TOP2B: variants seen among roughly 807,000 people sequenced by gnomAD.
TOP2B encodes the protein DNA topoisomerase 2-beta.
In TOP2B, 51 loss-of-function variants were observed where a neutral mutation model predicts 193.5. That is an observed-to-expected ratio of 0.26 (90% CI 0.21 to 0.33). The LOEUF (loss-of-function observed/expected upper bound fraction) is 0.33. Among genes scored for constraint, TOP2B ranks in the 10% least tolerant of loss-of-function variants. The pLI, the probability that TOP2B is intolerant of heterozygous loss-of-function variation, is 1.00. For missense variants in TOP2B, 1,378 were observed against 1,909.3 expected, an observed-to-expected ratio of 0.72 and a Z score of 5.19; for synonymous variants, 634 against 635.7, an observed-to-expected ratio of 1.00 and a Z score of 0.04.
intron 7 of TOP2B, among the ~76,000 whole-genome samples, chr3:25,635,591 G>A (rs1383795708): frequency 6.6e-6 from 1 of 152,048 alleles, no homozygotes; most frequent in African/African-American, 2.4e-5. Context: ...AGGCTCTTCA[G>A]GAAACTTGAT....
chr3:25,657,236 G>A lies in TOP2B; in HGVS notation c.69+6993C>T, dbSNP rs375995356. ...TTGTCAGCAGAAAGTTGTCCCCTGA[G>A]CAATGTCCAGGTCACTAAAAATCAA... On this transcript the variant is annotated intron_variant, in intron 1 of 35. Coordinates refer to ENST00000264331, the MANE Select transcript of TOP2B (RefSeq NM_001330700.2). Among the ~76,000 whole-genome samples the A allele has an allele frequency of 5.6e-4, 86 of 152,254 alleles. 1 individual carries two copies. Among genetic ancestry groups the A allele is most frequent in the African/African-American group, 1.9e-3 (81 of 41,556 alleles).
At chr3:25,616,649 T>C (rs1317831475) in intron 25 of TOP2B, among the ~76,000 whole-genome samples, 2 of 151,966 alleles carry the variant, frequency 1.3e-5, no homozygotes, top group Non-Finnish European at 2.9e-5. Context: ...TAAATAATTC[T>C]ACACTTTTGA....
In TOP2B at chr3:25,634,575, T is replaced by C. The variant is rs906090576; in HGVS notation, c.853-561A>G. Among the ~76,000 whole-genome samples, 3 of 152,098 alleles carry C rather than the reference T, an allele frequency of 2.0e-5. 1 individual carries two copies. The highest frequency in any genetic ancestry group is 6.6e-5 in the Admixed American group (1 of 15,256). Reference sequence around the variant, plus strand: ...TTGCTACTGGAAGAGTGTATACTAGTTTGAATGCATAAAGCTTCTAGGGAC... The same window carrying C: ...TTGCTACTGGAAGAGTGTATACTAGCTTGAATGCATAAAGCTTCTAGGGAC... On this transcript the variant is annotated intron_variant, in intron 7 of 35. Transcript: ENST00000264331.
chr3:25,639,266 G>C (rs1414385107), intron 4 of TOP2B, among the ~76,000 whole-genome samples: 1 of 152,142 alleles, frequency 6.6e-6, no homozygotes, highest in African/African-American at 2.4e-5. Context: ...GAACACTTAA[G>C]CTAGAGGAAT....
chr3:25,633,218 G>A (rs964123053), intron 8 of TOP2B, among the ~76,000 whole-genome samples: 1 of 152,050 alleles, frequency 6.6e-6, no homozygotes, highest in Non-Finnish European at 1.5e-5. Flanking sequence ...TACTTCTAAC[G>A]AACCTATGAC....
At chr3:25,637,424 C>T (rs1011564713) in intron 5 of TOP2B, 112 bp from the exon 6 acceptor site, 19 of 650,710 alleles carry the variant, frequency 2.9e-5, no homozygotes, top group African/African-American at 2.7e-4. Context: ...AACTGCATTA[C>T]CAATCACCAA....
intron 31 of TOP2B, among the ~76,000 whole-genome samples, chr3:25,606,333 A>C (rs1375682612): frequency 1.3e-5 from 2 of 152,152 alleles, no homozygotes; most frequent in Non-Finnish European, 2.9e-5. Flanking sequence ...ATCCATGTGC[A>C]CATACCACGT....
Position 25,615,457 on chromosome 3 carries a change from C to T in TOP2B, c.3481G>A (p.Glu1161Lys). 1 of 1,561,826 alleles carries T rather than the reference C, an allele frequency of 6.4e-7. No individual in the cohort carries two copies. Among genetic ancestry groups the T allele is most frequent in the Non-Finnish European group, 8.6e-7 (1 of 1,156,574 alleles). Residue 1161 changes from glutamate to lysine, a missense_variant, in exon 26 of 36, where the codon GAA (glutamate) becomes AAA (lysine). By Grantham distance (56) the Glu-to-Lys change is moderately conservative. Around this residue, in one of 9 missense-constraint regions of TOP2B, gnomAD observed 556 missense variants for 584.2 expected, o/e 0.95. Transcript: ENST00000264331. The part of the protein sequence containing the change: ...LWSLTKEKVE[E>K]LIKQRDAKGR... ...TTTGCATCTCTCTGTTTAATCAGTT[C>T]TTCAACTTTTTCTTTAGTAAGAGAC...
chr3:25,628,276 G>C (rs1190906697), intron 15 of TOP2B, among the ~76,000 whole-genome samples: 3 of 149,984 alleles, frequency 2.0e-5, no homozygotes, highest in Non-Finnish European at 3.0e-5. Context: ...AGGAGTCCAA[G>C]ACCAGCCTGG....
chr3:25,659,992 T>C (rs889703689), intron 1 of TOP2B, among the ~76,000 whole-genome samples: 6 of 152,234 alleles, frequency 3.9e-5, no homozygotes, highest in African/African-American at 9.6e-5. Context: ...TGGGGTTCTA[T>C]ACGTGTTAAT....
intron 8 of TOP2B, 24 bp downstream of exon 8, chr3:25,633,817 G>A: frequency 6.3e-7 from 1 of 1,588,686 alleles, no homozygotes; most frequent in Non-Finnish European, 8.6e-7. Context: ...CACTGACTTG[G>A]AAACAAATAA....
At chr3:25,624,861 G>T in intron 18 of TOP2B, 58 bp from the exon 19 acceptor site, 1 of 1,522,794 alleles carries the variant, frequency 6.6e-7, no homozygotes, top group Non-Finnish European at 8.9e-7. Context: ...TAACAATTCA[G>T]GGGAATAAAG....
At position 25,638,204 on chromosome 3, in the gene TOP2B, T is replaced by C; in HGVS notation, c.502A>G (p.Thr168Ala). Residue 168 changes from threonine (T) to alanine (A), a missense_variant, in exon 5 of 36, where the codon ACA (threonine) becomes GCA (alanine). By Grantham distance (58) the Thr-to-Ala change is moderately conservative. This residue lies in a region of TOP2B where 9 missense variants were observed against 36.6 expected (regional missense o/e 0.25). Transcript: ENST00000264331. ...VPALIFGQLL[T>A]SSNYDDDEKK... is the part of the protein sequence containing the mutation. ...TCATCATCATCATAGTTACTGGATG[T>C]TAAAAGCTGTCCAAAAATTAAAGCA... 6.4e-7 allele frequency: 1 copy of C among 1,563,898 alleles called. No homozygotes were observed.
intron 4 of TOP2B, 99 bp from the exon 5 acceptor site, chr3:25,638,409 G>GAAT: frequency 7.9e-7 from 1 of 1,269,828 alleles, no homozygotes; most frequent in Non-Finnish European, 1.0e-6. Flanking sequence ...AAGTAATCTA[G>GAAT]AATAAACCTT....
intron 4 of TOP2B, among the ~76,000 whole-genome samples, chr3:25,641,175 C>T: frequency 6.6e-6 from 1 of 152,106 alleles, no homozygotes; most frequent in South Asian, 2.1e-4. Context: ...AATCTTTGGA[C>T]TAATATGGCC....
At chr3:25,638,080 C>A in intron 5 of TOP2B, 85 bp downstream of exon 5, 2 of 1,267,216 alleles carry the variant, frequency 1.6e-6, no homozygotes, top group African/African-American at 1.5e-5. Flanking sequence ...TTTCTCACAC[C>A]AAAACTGCAC....
chr3:25,598,596 A>AAATT (rs1261943151), intron 35 of TOP2B, 119 bp from the exon 36 acceptor site: 9 of 747,470 alleles, frequency 1.2e-5, no homozygotes, highest in East Asian at 6.2e-5. Context: ...GGTGCTTTTA[A>AAATT]AATTAGAATC....
chr3:25,599,559 C>T (rs538279051), intron 34 of TOP2B, 30 bp from the exon 35 acceptor site: 10 of 1,582,998 alleles, frequency 6.3e-6, no homozygotes, highest in South Asian at 2.3e-5. Flanking sequence ...TTTTTTCTTC[C>T]GTGGTTAAGT....
At chr3:25,607,148 C>T (rs1298770939) in intron 31 of TOP2B, 23 bp downstream of exon 31, 5 of 1,610,446 alleles carry the variant, frequency 3.1e-6, no homozygotes, top group Non-Finnish European at 4.2e-6. Context: ...AACTATACCA[C>T]ATCACTAAAT....
Sources: allele counts gnomAD v4.1 joint callset (sites outside exome capture counted in the v4.1 genomes callset), GRCh38; gene constraint gnomAD v4.1.1; regional missense constraint gnomAD v4.1.1; transcripts MANE v1.5; gene names NCBI Gene and HGNC (gene_info 2026-07-23, HGNC 2026-07-21).